DEPDC1: variants seen among roughly 807,000 people sequenced by gnomAD.
The protein encoded by DEPDC1 is DEP domain-containing protein 1A.
A neutral mutation model predicts 86.8 loss-of-function variants in DEPDC1; 66 were observed. The ratio of observed to expected loss-of-function variants is 0.76; its 90% CI spans 0.62 to 0.93. DEPDC1 has a LOEUF of 0.93. Ranked by LOEUF, DEPDC1 falls within the 40% of genes least tolerant of loss-of-function variation. DEPDC1 has a pLI of 0.00. For missense variants in DEPDC1, 792 were observed against 935.7 expected, an observed-to-expected ratio of 0.85 and a Z score of 2.00; for synonymous variants, 255 against 314.9, an observed-to-expected ratio of 0.81 and a Z score of 2.02.
intron 6 of DEPDC1, among the ~76,000 whole-genome samples, chr1:68,486,211 G>A (rs928566525): frequency 5.3e-5 from 8 of 151,994 alleles, no homozygotes; most frequent in Non-Finnish European, 1.2e-4. Context: ...ATTGAATCAT[G>A]GGGGTGTATT....
intron 6 of DEPDC1, among the ~76,000 whole-genome samples, chr1:68,485,790 T>C (rs966497023): frequency 1.3e-5 from 2 of 152,056 alleles, no homozygotes; most frequent in Non-Finnish European, 2.9e-5. Flanking sequence ...ATATTTAATT[T>C]ATTGCTATTT....
At chr1:68,489,667 C>T in intron 2 of DEPDC1, 59 bp from the exon 3 acceptor site, 1 of 1,346,264 alleles carries the variant, frequency 7.4e-7, no homozygotes, top group Non-Finnish European at 1.0e-6. Context: ...CTTTTAGAGC[C>T]TATTTTTTTT....
At chr1:68,487,022 A>AT in intron 5 of DEPDC1, 38 bp from the exon 6 acceptor site, 7 of 1,564,270 alleles carry the variant, frequency 4.5e-6, no homozygotes, top group Non-Finnish European at 6.1e-6. Flanking sequence ...TAAACCATAC[A>AT]TTTTTTATGA....
chr1:68,478,001 T>C, intron 10 of DEPDC1, 29 bp from the exon 11 acceptor site: 2 of 1,434,068 alleles, frequency 1.4e-6, no homozygotes, highest in Non-Finnish European at 1.9e-6. Flanking sequence ...TATAACTCTG[T>C]TAATTCTGGT....
Position 68,480,252 on chromosome 1 carries a change from C to CCACACACACA in DEPDC1, c.1936-942_1936-933dup, listed in dbSNP as rs72099346. Among the ~76,000 whole-genome samples the CCACACACACA allele has an allele frequency of 1.9e-4, 27 of 145,526 alleles. No individual in the cohort carries two copies. The East Asian group carries it at 2.5e-3, about 13-fold the overall frequency. On this transcript the variant is annotated intron_variant, in intron 9 of 11. Coordinates refer to ENST00000456315, the MANE Select transcript of DEPDC1 (RefSeq NM_001114120.3). The stretch of plus-strand genomic sequence containing the variant: ...ATATCTATGCAACCCTCTAACTGTA[C>CCACACACACA]CACACACACACACACACACACACAC...
At chr1:68,486,155 C>G (rs554758609) in intron 6 of DEPDC1, among the ~76,000 whole-genome samples, 1 of 152,102 alleles carries the variant, frequency 6.6e-6, no homozygotes, top group South Asian at 2.1e-4. Context: ...AATCTCATGC[C>G]AAATTGGTAA....
At chr1:68,494,747 A>C in intron 1 of DEPDC1, 52 bp from the exon 2 acceptor site, 34 of 1,451,902 alleles carry the variant, frequency 2.3e-5, no homozygotes, top group Non-Finnish European at 2.9e-5. Context: ...ATTAAATCTC[A>C]TATTGATTTG....
intron 5 of DEPDC1, 143 bp from the exon 6 acceptor site, chr1:68,487,127 G>A: frequency 1.6e-6 from 1 of 611,128 alleles, no homozygotes. Context: ...GTATTACCAG[G>A]ATTAAAAAGT....
intron 6 of DEPDC1, among the ~76,000 whole-genome samples, chr1:68,485,515 A>G (rs1240733685): frequency 6.6e-6 from 1 of 152,048 alleles, no homozygotes; most frequent in African/African-American, 2.4e-5. Flanking sequence ...CTGGCTAAAT[A>G]CATTGTTGCT....
chr1:68,486,883 C>A (rs1571201177), intron 6 of DEPDC1, 54 bp downstream of exon 6: 1 of 63,242 alleles, frequency 1.6e-5, no homozygotes, highest in Non-Finnish European at 2.8e-5. Context: ...ATCAATATAA[C>A]ACACACACAC....
chr1:68,477,279 TTTCTCTTCCGATGTTAA>T (rs989590915), intron 11 of DEPDC1, among the ~76,000 whole-genome samples: 6 of 151,722 alleles, frequency 4.0e-5, no homozygotes, highest in African/African-American at 1.4e-4. Context: ...TTTAGGATTC[TTTCTCTTCCGATGTTAA>T]TTCTCCCCCT....
At chr1:68,491,977 G>A (rs1014653251) in intron 2 of DEPDC1, among the ~76,000 whole-genome samples, 1 of 146,832 alleles carries the variant, frequency 6.8e-6, no homozygotes, top group Non-Finnish European at 1.5e-5. Context: ...GACTGGTCTC[G>A]AACTCCTGGG....
intron 1 of DEPDC1, 98 bp from the exon 2 acceptor site, chr1:68,494,793 T>G (rs4926345): frequency 0.52 from 476,772 of 918,188 alleles, 131,095 homozygotes; most frequent in Middle Eastern, 0.72. Context: ...TTAATTCACA[T>G]CTGATTATAT....
At chr1:68,488,334 G>A in intron 5 of DEPDC1, 40 bp downstream of exon 5, 1 of 1,543,108 alleles carries the variant, frequency 6.5e-7, no homozygotes, top group South Asian at 1.3e-5. Flanking sequence ...CAACCTTGTT[G>A]GCAAGTTTTT....
rs929663140 is a variant in DEPDC1 at position 68,476,867 on chromosome 1, C to T, written c.*65G>A. ...TGACAGACTTCCTTTTGAGTAGCTA[C>T]ATTCTCAGATATGGCTTCATTTATC... On this transcript the variant is annotated 3_prime_UTR_variant, in exon 12 of 12. Transcript: ENST00000456315. 1 of 1,350,164 alleles carries T rather than the reference C, an allele frequency of 7.4e-7. No homozygotes were observed. Among genetic ancestry groups the T allele is most frequent in the Non-Finnish European group, 1.0e-6 (1 of 1,003,636 alleles). The allele number at this position is 1,350,164 out of a possible 1,614,324, so 83.6% of individuals were successfully genotyped here.
Position 68,488,897 on chromosome 1 carries a change from A to C in DEPDC1, c.590+19T>G, listed in dbSNP as rs1646210894. On this transcript the variant is annotated intron_variant, in intron 4 of 11. Coordinates refer to ENST00000456315, the MANE Select transcript of DEPDC1 (RefSeq NM_001114120.3). ...TCAGAACACATCAGGAACTTCATTA[A>C]AGCTTAATTTTATCTTACTAGATCA... 1.4e-6 allele frequency: 2 copies of C among 1,420,184 alleles called. No individual in the cohort carries two copies. The highest frequency in any genetic ancestry group is 2.0e-6 in the Non-Finnish European group (2 of 1,006,700). 88.0% of individuals were successfully genotyped at this position (1,420,184 alleles called of 1,614,324 possible).
intron 2 of DEPDC1, among the ~76,000 whole-genome samples, chr1:68,493,596 C>A (rs151205768): frequency 4.1e-4 from 62 of 152,282 alleles, no homozygotes; most frequent in African/African-American, 1.5e-3. Context: ...GGGTTAATAC[C>A]TACCCTGCTT....
intron 2 of DEPDC1, among the ~76,000 whole-genome samples, chr1:68,493,888 G>A (rs1228102336): frequency 3.3e-5 from 5 of 151,962 alleles, no homozygotes; most frequent in Non-Finnish European, 7.4e-5. Context: ...TAGTAGAGAC[G>A]GGGTTTCACC....
Position 68,474,979 on chromosome 1 carries a change from G to A in DEPDC1, c.*1953C>T, listed in dbSNP as rs1646105358. 6.6e-6 allele frequency: 1 copy of A among 152,040 alleles called. No individual in the cohort carries two copies. The highest frequency in any genetic ancestry group is 6.6e-5 in the Admixed American group (1 of 15,246). 9.4% of individuals were successfully genotyped at this position (152,040 alleles called of 1,614,324 possible). The stretch of plus-strand genomic sequence containing the variant: ...ATCTCTTCTAGTGCTATAATCCTAG[G>A]TGATTCTAGTAAAATATTTATAGAG... On this transcript the variant is annotated 3_prime_UTR_variant, in exon 12 of 12. Transcript: ENST00000456315.
Sources: allele counts gnomAD v4.1 joint callset (sites outside exome capture counted in the v4.1 genomes callset), GRCh38; gene constraint gnomAD v4.1.1; transcripts MANE v1.5; gene names NCBI Gene and HGNC (gene_info 2026-07-23, HGNC 2026-07-21).